The following USP18 variants were observed in gnomAD, a reference collection of about 807,000 sequenced individuals.
USP18 encodes ubiquitin specific peptidase 18, also known as ubl carboxyl-terminal hydrolase 18.
USP18 carries 11 observed loss-of-function variants against 48.7 expected under a neutral mutation model. That is an observed-to-expected ratio of 0.23 (90% CI 0.14 to 0.37). The LOEUF (loss-of-function observed/expected upper bound fraction) is 0.37, where lower values mean the gene tolerates loss of function less well. USP18 is among the 10% of genes least tolerant of loss of function. The pLI, the probability that USP18 is intolerant of heterozygous loss-of-function variation, is 1.00. For synonymous variants in USP18, 114 were observed against 163.2 expected, an observed-to-expected ratio of 0.70 and a Z score of 2.30; for missense variants, 285 against 436.4, an observed-to-expected ratio of 0.65 and a Z score of 3.09.
At chr22:18,167,016 G>A (rs1291551813) in intron 4 of USP18, among the ~76,000 whole-genome samples, 1 of 152,036 alleles carries the variant, frequency 6.6e-6, no homozygotes, top group Non-Finnish European at 1.5e-5. Flanking sequence ...TAAGATTATA[G>A]GCATGAGCCA....
rs116385843 is a variant in USP18, at chr22:18,174,275, G to A, written c.1073+433G>A. Among the ~76,000 whole-genome samples the A allele has an allele frequency of 1.7e-4, 25 of 150,862 alleles. No individual in the cohort carries two copies. The East Asian group carries it at 4.7e-3, about 28-fold the overall frequency. On this transcript the variant is annotated intron_variant, in intron 10 of 10. Transcript: ENST00000215794. ...GGAGTCTCGCTCTGTTGCCGGGCTG[G>A]AGTGTAGTGGCACAATCTTGGCTAC...
chr22:18,153,480 C>T (rs915581490), intron 1 of USP18, among the ~76,000 whole-genome samples: 2 of 151,788 alleles, frequency 1.3e-5, no homozygotes, highest in African/African-American at 4.8e-5. Flanking sequence ...GCTGGAGTGC[C>T]GTGGCACGAT....
intron 1 of USP18, among the ~76,000 whole-genome samples, chr22:18,156,971 G>C (rs1929171216): frequency 6.6e-6 from 1 of 152,178 alleles, no homozygotes; most frequent in Non-Finnish European, 1.5e-5. Flanking sequence ...GGGTACACGG[G>C]TACCCCTATG....
At chr22:18,172,060 G>A (rs536455294) in intron 8 of USP18, among the ~76,000 whole-genome samples, 145 of 152,278 alleles carry the variant, frequency 9.5e-4, no homozygotes, top group Middle Eastern at 3.4e-3. Context: ...GAGTCCAGGA[G>A]TCGAGCCCAG....
Position 18,151,656 on chromosome 22 carries a change from G to GT in USP18, c.-107+1445dup, listed in dbSNP as rs1009010474. ...GTAAGTCCTAGTTTTTCCACGAGCT[G>GT]TTTTTTTTTTTGAGAGAGAGTAGTC... On this transcript the variant is annotated intron_variant, in intron 1 of 10. Coordinates refer to ENST00000215794, the MANE Select transcript of USP18 (RefSeq NM_017414.4). 2.5e-3 allele frequency among the ~76,000 whole-genome samples: 359 copies of GT among 146,520 alleles called. 1 individual carries two copies. The highest frequency in any genetic ancestry group is 3.9e-3 in the South Asian group (18 of 4,610).
intron 2 of USP18, among the ~76,000 whole-genome samples, chr22:18,159,088 C>G (rs543679522): frequency 2.0e-5 from 3 of 152,112 alleles, no homozygotes; most frequent in African/African-American, 7.2e-5. Context: ...TGGAGTTTTG[C>G]TTTGTCGCCT....
chr22:18,157,554 A>C lies in USP18; in HGVS notation c.-106-4A>C, dbSNP rs1363938750. ...TCTTGCCTACCCGCATTGTATTTTCACAGAGATTCCATCGTGCCTGGCTCA... is the reference window on the plus strand; with the variant it reads ...TCTTGCCTACCCGCATTGTATTTTCCCAGAGATTCCATCGTGCCTGGCTCA... On this transcript the variant is annotated splice_polypyrimidine_tract_variant and splice_region_variant and intron_variant, in intron 1 of 10. Coordinates refer to ENST00000215794, the MANE Select transcript of USP18 (RefSeq NM_017414.4). The C allele has an allele frequency of 2.1e-6, 3 of 1,429,416 alleles. No homozygotes were observed. In the Admixed American group the frequency reaches 6.0e-5, roughly 29 times the overall value. 88.5% of individuals were successfully genotyped at this position (1,429,416 alleles called of 1,614,324 possible). A position where few individuals can be genotyped will look rare whatever the true frequency, so the allele number is the denominator to read the frequency against.
chr22:18,172,300 AT>A, intron 8 of USP18, among the ~76,000 whole-genome samples: 1 of 152,250 alleles, frequency 6.6e-6, no homozygotes, highest in South Asian at 2.1e-4. Flanking sequence ...ACATCATACT[AT>A]TTCATTTATA....
chr22:18,157,708 C>T lies in USP18; in HGVS notation c.45C>T (p.Ile15=). The change falls in exon 2 of 11, where the codon ATC becomes ATT. Residue 15 remains isoleucine (I), a synonymous_variant. Transcript: ENST00000215794. ...FGLLRQICQS[I]LAESSQSPAD... ...TCCTGAGGCAAATCTGTCAGTCCAT[C>T]CTGGCTGAGTCCTCGCAGTCCCCGG... 1 of 1,614,086 alleles carries T rather than the reference C, an allele frequency of 6.2e-7. No homozygotes were observed. The highest frequency in any genetic ancestry group is 8.5e-7 in the Non-Finnish European group (1 of 1,180,012).
At chr22:18,163,138 T>C (rs1183777621) in intron 4 of USP18, among the ~76,000 whole-genome samples, 2 of 152,058 alleles carry the variant, frequency 1.3e-5, no homozygotes, top group African/African-American at 4.8e-5. Context: ...GTCTCTTTGC[T>C]GAAATTCTTA....
intron 3 of USP18, among the ~76,000 whole-genome samples, chr22:18,161,338 A>G (rs1418907875): frequency 8.7e-6 from 1 of 114,566 alleles, no homozygotes; most frequent in African/African-American, 3.5e-5. Flanking sequence ...TTGCCAAACC[A>G]CACGGACAGC....
Position 18,173,258 on chromosome 22 carries a change from T to C in USP18, c.1000T>C (p.Phe334Leu). 6.3e-7 allele frequency: 1 copy of C among 1,589,566 alleles called. No homozygotes were observed. The highest frequency in any genetic ancestry group is 8.6e-7 in the Non-Finnish European group (1 of 1,167,600). Residue 334 changes from phenylalanine (F) to leucine (L), a missense_variant, in exon 9 of 11, where the codon TTC (phenylalanine) becomes CTC (leucine). Coordinates refer to ENST00000215794, the MANE Select transcript of USP18 (RefSeq NM_017414.4). ...TGCTGTGGATGGAAAATGGTTCTGC[T>C]TCAATGACTCCAATATTTGCTTGGT... ...RNAVDGKWFC[F>L]NDSNICLVSW... is the part of the protein sequence containing the mutation.
chr22:18,160,427 TCC>T (rs1207156034), intron 3 of USP18, among the ~76,000 whole-genome samples, 159 bp downstream of exon 3: 5 of 152,116 alleles, frequency 3.3e-5, no homozygotes, highest in Non-Finnish European at 5.9e-5. Context: ...TGCTTCAGTC[TCC>T]CGAGTAGCTG....
intron 1 of USP18, among the ~76,000 whole-genome samples, chr22:18,151,985 C>T (rs1204947625): frequency 6.6e-6 from 1 of 152,012 alleles, no homozygotes; most frequent in Non-Finnish European, 1.5e-5. Flanking sequence ...ACCTGGGAGG[C>T]GGAGCTTGCA....
chr22:18,176,183 G>C (rs1929788309), intron 10 of USP18, among the ~76,000 whole-genome samples: 1 of 79,564 alleles, frequency 1.3e-5, no homozygotes, highest in Non-Finnish European at 2.4e-5. Context: ...TCGGGAGGCT[G>C]AGGAGGGAGA....
At chr22:18,157,848 TC>T (rs1569209162) in intron 2 of USP18, 28 bp downstream of exon 2, 2 of 1,612,974 alleles carry the variant, frequency 1.2e-6, no homozygotes, top group African/African-American at 1.3e-5. Context: ...GTTTTCCTCT[TC>T]TTGACTGCAT....
intron 1 of USP18, among the ~76,000 whole-genome samples, chr22:18,152,657 ATTGCCCCTGCTAACTTCAGCTGC>A (rs905057166): frequency 6.6e-6 from 1 of 151,728 alleles, no homozygotes; most frequent in Admixed American, 6.6e-5. Flanking sequence ...GTGGATGCTT[ATTGCCCCTGCTAACTTCAGCTGC>A]GGTCTCTCTG....
intron 1 of USP18, among the ~76,000 whole-genome samples, chr22:18,157,205 CT>C (rs1929182174): frequency 6.6e-6 from 1 of 152,282 alleles, no homozygotes; most frequent in Admixed American, 6.5e-5. Flanking sequence ...GAGGCTTCCC[CT>C]GTATGCCAGC....
chr22:18,173,700 T>A, intron 9 of USP18, 93 bp from the exon 10 acceptor site: 1 of 1,570,598 alleles, frequency 6.4e-7, no homozygotes. Flanking sequence ...GGGGTGGGCT[T>A]GTCTGGAGGA....
Sources: gnomAD v4.1 joint callset for allele counts (sites outside exome capture counted in the v4.1 genomes callset) on GRCh38, gnomAD v4.1.1 for gene constraint, MANE v1.5 for transcripts, NCBI Gene and HGNC (gene_info 2026-07-23, HGNC 2026-07-21) for gene names.